The following FOCAD variants were observed in gnomAD, a reference collection of about 807,000 sequenced individuals.
FOCAD encodes KIAA1797.
In FOCAD, 198 loss-of-function variants were observed where a neutral mutation model predicts 225.6. That is an observed-to-expected ratio of 0.88 (90% confidence interval 0.78 to 0.99). The LOEUF is 0.99. Ranked by LOEUF, FOCAD falls within the 50% of genes least tolerant of loss-of-function variation. FOCAD has a pLI of 0.00. For missense variants in FOCAD, 2,713 were observed against 2,123.6 expected, an observed-to-expected ratio of 1.28 and a Z score of -5.46; for synonymous variants, 897 against 755.0, an observed-to-expected ratio of 1.19 and a Z score of -3.08.
At chr9:20,883,296 C>G (rs1830833106) in intron 20 of FOCAD, among the ~76,000 whole-genome samples, 1 of 152,134 alleles carries the variant, frequency 6.6e-6, no homozygotes, top group South Asian at 2.1e-4. Flanking sequence ...AATAGACAAA[C>G]CCACAATAAT....
intron 7 of FOCAD, among the ~76,000 whole-genome samples, chr9:20,768,690 C>G (rs1409982776): frequency 1.3e-5 from 2 of 152,136 alleles, no homozygotes; most frequent in African/African-American, 4.8e-5. Flanking sequence ...TTAGAAATAA[C>G]CATGCAACCT....
At chr9:20,716,686 G>A (rs1045037557) in intron 2 of FOCAD, among the ~76,000 whole-genome samples, 1 of 151,992 alleles carries the variant, frequency 6.6e-6, no homozygotes, top group Non-Finnish European at 1.5e-5. Flanking sequence ...ACCACTGCTC[G>A]ATGTTAGCAC....
Position 20,784,889 on chromosome 9 carries a change from T to C in FOCAD, c.1197+2960T>C, listed in dbSNP as rs528998206. 3.2e-4 allele frequency among the ~76,000 whole-genome samples: 48 copies of C among 152,264 alleles called. No individual in the cohort carries two copies. The South Asian group carries it at 9.7e-3, about 31-fold the overall frequency. On this transcript the variant is annotated intron_variant, in intron 10 of 43. Coordinates refer to ENST00000338382, the MANE Select transcript of FOCAD (RefSeq NM_001375567.1). ...GAGTTATTATGTGGGCCAACTCGTA[T>C]TTCTTACAATAACTATGAAATAGAT... is the stretch of plus-strand genomic sequence containing the variant.
chr9:20,696,229 C>G lies in FOCAD; in HGVS notation c.-33+11936C>G, dbSNP rs553380266. On this transcript the variant is annotated intron_variant, in intron 1 of 43. Transcript: ENST00000338382. ...GTAACTGCAGGCATGTATCCTTTGA[C>G]CAAATGGAGACCTAATGTATATATA... 1.1e-4 allele frequency among the ~76,000 whole-genome samples: 16 copies of G among 152,212 alleles called. No individual in the cohort carries two copies. In the East Asian group the frequency reaches 3.1e-3, roughly 29 times the overall value.
In FOCAD at chr9:20,946,828, C is replaced by T. The variant is rs763150393; in HGVS notation, c.3675+8C>T. ...GTGGAGAATAGCCAGCAGGTTGGAA[C>T]GTGTGCCCTGATTATTTCTCTCTGT... On this transcript the variant is annotated splice_region_variant and intron_variant, in intron 30 of 43. Transcript: ENST00000338382. 13 of 1,612,722 alleles carry T rather than the reference C, an allele frequency of 8.1e-6. No homozygotes were observed. The highest frequency in any genetic ancestry group is 2.2e-5 in the East Asian group (1 of 44,832).
At chr9:20,866,316 T>G (rs1829232834) in intron 17 of FOCAD, among the ~76,000 whole-genome samples, 1 of 151,974 alleles carries the variant, frequency 6.6e-6, no homozygotes, top group African/African-American at 2.4e-5. Context: ...AAAAGTCCAG[T>G]CCATTTTTTA....
At chr9:20,860,639 T>C (rs1828687466) in intron 15 of FOCAD, among the ~76,000 whole-genome samples, 1 of 152,174 alleles carries the variant, frequency 6.6e-6, no homozygotes, top group South Asian at 2.1e-4. Context: ...CAAGCGATTT[T>C]TGTGCGTGGC....
intron 3 of FOCAD, among the ~76,000 whole-genome samples, chr9:20,719,201 C>T (rs898042525): frequency 6.6e-6 from 1 of 152,064 alleles, no homozygotes; most frequent in African/African-American, 2.4e-5. Flanking sequence ...CATATCTCAG[C>T]CTCCCGAGTA....
chr9:20,814,430 A>G (rs1269427613), intron 11 of FOCAD, among the ~76,000 whole-genome samples: 1 of 150,770 alleles, frequency 6.6e-6, no homozygotes, highest in Non-Finnish European at 1.5e-5. Context: ...ATCTTGGCTC[A>G]CTGGAACTTC....
chr9:20,923,009 G>A (rs1048647300), intron 24 of FOCAD, among the ~76,000 whole-genome samples: 1 of 152,204 alleles, frequency 6.6e-6, no homozygotes, highest in African/African-American at 2.4e-5. Flanking sequence ...TTTAGATGAT[G>A]TAAAAAGGCA....
At chr9:20,764,248 A>G (rs961790853) in intron 6 of FOCAD, among the ~76,000 whole-genome samples, 1 of 152,062 alleles carries the variant, frequency 6.6e-6, no homozygotes. Flanking sequence ...AATTCTAGAA[A>G]GGTTGTCAGG....
chr9:20,937,831 C>T (rs1474473384), intron 28 of FOCAD, among the ~76,000 whole-genome samples: 1 of 152,184 alleles, frequency 6.6e-6, no homozygotes, highest in African/African-American at 2.4e-5. Context: ...ATCTACTCAT[C>T]TGACAAAAGG....
chr9:20,712,360 A>G (rs1173325422), intron 1 of FOCAD, among the ~76,000 whole-genome samples: 1 of 152,178 alleles, frequency 6.6e-6, no homozygotes, highest in Non-Finnish European at 1.5e-5. Context: ...GAATTGAGAT[A>G]AAAAATAAAG....
intron 1 of FOCAD, among the ~76,000 whole-genome samples, chr9:20,711,975 A>G (rs934822015): frequency 6.6e-6 from 1 of 152,212 alleles, no homozygotes; most frequent in African/African-American, 2.4e-5. Context: ...CTGATAGTAT[A>G]GATGGTTAGC....
In FOCAD at chr9:20,668,402, G is replaced by T. The variant is rs191839037; in HGVS notation, c.-78+9576G>T. On this transcript the variant is annotated intron_variant, in intron 2 of 45. Transcript: ENST00000380249. The stretch of plus-strand genomic sequence containing the variant: ...AAATGTTTATTAATATAAGCAAGTT[G>T]CTTTATTTACTAGCATTATTATACT... Among the ~76,000 whole-genome samples, 470 of 152,266 alleles carry T rather than the reference G, an allele frequency of 3.1e-3. 2 individuals are homozygous for T. The highest frequency in any genetic ancestry group is 4.8e-3 in the Admixed American group (73 of 15,296).
intron 23 of FOCAD, among the ~76,000 whole-genome samples, chr9:20,915,143 A>G (rs895138298): frequency 6.6e-6 from 1 of 152,172 alleles, no homozygotes; most frequent in African/African-American, 2.4e-5. Flanking sequence ...CCAATTAGAG[A>G]TAGCAAGCAG....
chr9:20,760,193 T>G (rs959273493), intron 6 of FOCAD, among the ~76,000 whole-genome samples: 22 of 152,256 alleles, frequency 1.4e-4, no homozygotes, highest in African/African-American at 4.8e-4. Context: ...CTTAAGTCTC[T>G]GTGGCTGTGG....
intron 2 of FOCAD, among the ~76,000 whole-genome samples, chr9:20,673,750 G>T (rs945382437): frequency 1.3e-5 from 2 of 152,050 alleles, no homozygotes; most frequent in Non-Finnish European, 2.9e-5. Flanking sequence ...CTACACGTGC[G>T]TGCCACACGT....
chr9:20,953,750 C>T (rs1837893664), intron 35 of FOCAD, among the ~76,000 whole-genome samples: 1 of 152,162 alleles, frequency 6.6e-6, no homozygotes, highest in Non-Finnish European at 1.5e-5. Flanking sequence ...GAATCAGCTT[C>T]GTTACCGTGA....
Sources: allele counts gnomAD v4.1 joint callset (sites outside exome capture counted in the v4.1 genomes callset), GRCh38; gene constraint gnomAD v4.1.1; transcripts MANE v1.5; gene names NCBI Gene and HGNC (gene_info 2026-07-23, HGNC 2026-07-21).